DENND4A: variants seen among roughly 807,000 people sequenced by gnomAD.
DENND4A encodes C-myc promoter-binding protein.
Under a neutral mutation model 199.3 loss-of-function variants are expected in DENND4A, and 70 were observed. The observed-to-expected ratio is 0.35, with a 90% CI of 0.29 to 0.43. DENND4A has a LOEUF of 0.43. Among genes scored for constraint, DENND4A ranks in the 20% least tolerant of loss-of-function variants. The probability of loss-of-function intolerance (pLI) is 1.00; values close to 1 mark genes in which losing one functional copy is unlikely to be tolerated. For missense variants in DENND4A, 1,723 were observed against 2,255.8 expected, an observed-to-expected ratio of 0.76 and a Z score of 4.78; for synonymous variants, 686 against 766.9, an observed-to-expected ratio of 0.89 and a Z score of 1.74.
chr15:65,764,656 T>A (rs1384846677), intron 1 of DENND4A, among the ~76,000 whole-genome samples: 1 of 151,006 alleles, frequency 6.6e-6, no homozygotes, highest in East Asian at 2.0e-4. Flanking sequence ...TTAATTAAAT[T>A]TAATTTTTAA....
At position 65,729,883 on chromosome 15, in the gene DENND4A, C is replaced by A. The variant is rs540699952; in HGVS notation, c.1167-205G>T. Among the ~76,000 whole-genome samples the A allele has an allele frequency of 2.6e-5, 4 of 152,236 alleles. No individual in the cohort carries two copies. In the South Asian group the frequency reaches 8.3e-4, roughly 32 times the overall value. Reference sequence around the variant, plus strand: ...CTGCATCACAAACACACTATGAAAACAATGCAGTTTTAGGAGATTCCAAAA... The same window carrying A: ...CTGCATCACAAACACACTATGAAAAAAATGCAGTTTTAGGAGATTCCAAAA... On this transcript the variant is annotated intron_variant, in intron 9 of 32. Coordinates refer to ENST00000443035, the MANE Select transcript of DENND4A (RefSeq NM_001320835.1).
At chr15:65,699,352 G>A (rs901753432) in intron 20 of DENND4A, among the ~76,000 whole-genome samples, 41 of 151,920 alleles carry the variant, frequency 2.7e-4, no homozygotes, top group African/African-American at 9.7e-4. Context: ...GTAGTCAAAA[G>A]TCATGTGTAA....
intron 4 of DENND4A, among the ~76,000 whole-genome samples, chr15:65,749,677 TAAGCA>T (rs2076507568): frequency 6.6e-6 from 1 of 151,914 alleles, no homozygotes; most frequent in Admixed American, 6.6e-5. Flanking sequence ...ACCTCCACAA[TAAGCA>T]AAGAAATGCA....
chr15:65,691,452 T>C lies in DENND4A; in HGVS notation c.3142A>G (p.Ile1048Val), dbSNP rs775408899. 3 of 1,612,818 alleles carry C rather than the reference T, an allele frequency of 1.9e-6. No individual in the cohort carries two copies. The highest frequency in any genetic ancestry group is 2.5e-6 in the Non-Finnish European group (3 of 1,179,382). ...SLEDTNETRN[I>V]QSRCFRKRHK... The stretch of plus-strand genomic sequence containing the variant: ...CTTTTCCTGAAGCATCTACTTTGAA[T>C]GTTTCGTGTTTCATTTGTATCTTCA... Residue 1048 changes from isoleucine (I) to valine (V), a missense_variant, in exon 23 of 33, where the codon ATT (isoleucine) becomes GTT (valine). Coordinates refer to ENST00000443035, the MANE Select transcript of DENND4A (RefSeq NM_001320835.1).
chr15:65,765,821 T>A (rs2076969820), intron 1 of DENND4A, among the ~76,000 whole-genome samples: 1 of 152,158 alleles, frequency 6.6e-6, no homozygotes, highest in Non-Finnish European at 1.5e-5. Flanking sequence ...GTGTTGCCCT[T>A]TTATAAGCAC....
intron 11 of DENND4A, among the ~76,000 whole-genome samples, chr15:65,723,816 T>C (rs1367539875): frequency 1.3e-5 from 2 of 152,214 alleles, no homozygotes; most frequent in Non-Finnish European, 2.9e-5. Flanking sequence ...CTTATTGTAC[T>C]GTACTCATGT....
At chr15:65,695,349 T>C (rs772747738) in intron 22 of DENND4A, among the ~76,000 whole-genome samples, 1 of 152,202 alleles carries the variant, frequency 6.6e-6, no homozygotes, top group Non-Finnish European at 1.5e-5. Flanking sequence ...TCCCAGAACT[T>C]TATGAAAACT....
At position 65,664,639 on chromosome 15, in the gene DENND4A, T is replaced by C. The variant is rs1351992738; in HGVS notation, c.5443A>G (p.Ile1815Val). The part of the protein sequence containing the change: ...QELLKSMVKS[I>V]KMNDVYGPMS... ...GGTCCATAGACATCATTCATTTTAA[T>C]GCTTTTTACCATACTTTTCAACAGT... is the stretch of plus-strand genomic sequence containing the variant. The change falls in exon 31 of 33, where the codon ATT becomes GTT. Residue 1815 changes from isoleucine (I) to valine (V), a missense_variant. Physicochemically the swap from Ile to Val is conservative, Grantham distance 29. This residue lies in a region of DENND4A where 164 missense variants were observed against 280.1 expected (regional missense o/e 0.59). Coordinates refer to ENST00000443035, the MANE Select transcript of DENND4A (RefSeq NM_001320835.1). 1 of 1,612,806 alleles carries C rather than the reference T, an allele frequency of 6.2e-7. No individual in the cohort carries two copies. The highest frequency in any genetic ancestry group is 2.2e-5 in the East Asian group (1 of 44,746).
chr15:65,675,103 A>G (rs1171807266), intron 24 of DENND4A, among the ~76,000 whole-genome samples: 1 of 152,220 alleles, frequency 6.6e-6, no homozygotes, highest in Admixed American at 6.5e-5. Context: ...ATTAACCAGG[A>G]TAACTTTCTA....
intron 1 of DENND4A, chr15:65,771,835 C>T (rs1285106502): frequency 6.2e-7 from 1 of 1,613,004 alleles, no homozygotes; most frequent in East Asian, 2.2e-5. Context: ...TTCTGGATTA[C>T]TTAAAACAGC....
In DENND4A at chr15:65,756,460, C is replaced by G; in HGVS notation, c.-10G>C. 1 of 1,589,436 alleles carries G rather than the reference C, an allele frequency of 6.3e-7. No homozygotes were observed. The highest frequency in any genetic ancestry group is 8.5e-7 in the Non-Finnish European group (1 of 1,170,234). On this transcript the variant is annotated 5_prime_UTR_variant, in exon 3 of 33. Transcript: ENST00000443035. ...CCTTGTCTTCAATCATCTTCCATTA[C>G]AGAAGGTTACATCTAAAAGGAAAGT... is the stretch of plus-strand genomic sequence containing the variant.
chr15:65,690,365 A>G, intron 23 of DENND4A, 50 bp downstream of exon 23: 1 of 1,493,862 alleles, frequency 6.7e-7, no homozygotes, highest in East Asian at 2.3e-5. Flanking sequence ...TTTGGTGGTG[A>G]TGGATATGTG....
chr15:65,677,678 C>T (rs1805749766), intron 23 of DENND4A, among the ~76,000 whole-genome samples: 2 of 152,104 alleles, frequency 1.3e-5, no homozygotes, highest in African/African-American at 4.8e-5. Flanking sequence ...CAGTGAAGGG[C>T]AGGAATCTTT....
chr15:65,693,087 T>C (rs1596453552), intron 22 of DENND4A, among the ~76,000 whole-genome samples: 1 of 152,202 alleles, frequency 6.6e-6, no homozygotes, highest in South Asian at 2.1e-4. Context: ...AAAGTTTGCC[T>C]GATCCTAAGT....
chr15:65,768,451 TTAACAG>T (rs1310046318), intron 1 of DENND4A, among the ~76,000 whole-genome samples: 9 of 152,110 alleles, frequency 5.9e-5, no homozygotes, highest in African/African-American at 2.2e-4. Flanking sequence ...AAATAGTACA[TTAACAG>T]TAACAGGAAG....
intron 1 of DENND4A, chr15:65,771,788 G>A: frequency 1.9e-6 from 3 of 1,613,624 alleles, no homozygotes; most frequent in South Asian, 1.1e-5. Context: ...TTACATGCTT[G>A]TTCTTCATTG....
intron 1 of DENND4A, among the ~76,000 whole-genome samples, chr15:65,785,958 A>T (rs563690353): frequency 1.3e-5 from 2 of 152,224 alleles, no homozygotes; most frequent in Non-Finnish European, 2.9e-5. Context: ...ATCAGTAAGA[A>T]ATCAAAGAAT....
At chr15:65,755,372 G>A (rs1242257180) in intron 3 of DENND4A, among the ~76,000 whole-genome samples, 5 of 152,196 alleles carry the variant, frequency 3.3e-5, no homozygotes, top group African/African-American at 1.2e-4. Context: ...AAATAAATGA[G>A]TGGCTGTATG....
intron 14 of DENND4A, among the ~76,000 whole-genome samples, chr15:65,708,623 GTC>G (rs2142280789): frequency 6.6e-6 from 1 of 152,168 alleles, no homozygotes; most frequent in Non-Finnish European, 1.5e-5. Flanking sequence ...GGTGACATCT[GTC>G]TCTATCGAGA....
Sources: allele counts gnomAD v4.1 joint callset (sites outside exome capture counted in the v4.1 genomes callset), GRCh38; gene constraint gnomAD v4.1.1; regional missense constraint gnomAD v4.1.1; transcripts MANE v1.5; gene names NCBI Gene and HGNC (gene_info 2026-07-23, HGNC 2026-07-21).